Variants in FOXO3 observed in about 807,000 individuals in gnomAD.
The protein encoded by FOXO3 is forkhead box O3.
Under a neutral mutation model 41.9 loss-of-function variants are expected in FOXO3, and 4 were observed. That is an observed-to-expected ratio of 0.10 (90% CI 0.05 to 0.22). FOXO3 has a LOEUF of 0.22. FOXO3 is among the 10% of genes least tolerant of loss of function. FOXO3 has a pLI of 1.00. For missense variants in FOXO3, 534 were observed against 906.8 expected (o/e 0.59, Z 5.28); for synonymous variants, 318 against 389.3 (o/e 0.82, Z 2.16).
rs924412604 is a variant in FOXO3, at chr6:108,680,338, G to T, written c.*546G>T. ...GTTCGAGCATCACAAGCTTTTGAGC[G>T]CATGGAACTCCATAAACTAACAAAT... On this transcript the variant is annotated 3_prime_UTR_variant, in exon 3 of 3. Coordinates refer to ENST00000406360, the MANE Select transcript of FOXO3 (RefSeq NM_001455.4). The T allele has an allele frequency of 8.5e-5, 13 of 152,596 alleles. No individual in the cohort carries two copies. Among genetic ancestry groups the T allele is most frequent in the African/African-American group, 2.9e-4 (12 of 41,444 alleles). 9.5% of individuals were successfully genotyped at this position (152,596 alleles called of 1,614,324 possible).
intron 1 of FOXO3, among the ~76,000 whole-genome samples, chr6:108,653,898 G>A (rs918811422): frequency 1.2e-4 from 18 of 152,296 alleles, no homozygotes; most frequent in African/African-American, 4.1e-4. Flanking sequence ...TGGCTAATTT[G>A]AGCATGGTCT....
At chr6:108,562,015 G>A (rs574590304) in intron 1 of FOXO3, among the ~76,000 whole-genome samples, 186 bp downstream of exon 1, 1 of 152,228 alleles carries the variant, frequency 6.6e-6, no homozygotes, top group African/African-American at 2.4e-5. Context: ...GACGGTCTCG[G>A]AGGGGTGAAT....
rs1036091556 is a variant in FOXO3 at position 108,584,386 on chromosome 6, A to C, written c.621+22557A>C. On this transcript the variant is annotated intron_variant, in intron 1 of 2. Coordinates refer to ENST00000406360, the MANE Select transcript of FOXO3 (RefSeq NM_001455.4). ...TCATTTTTTTGTTGATAAAAGTATT[A>C]CTGTAATCAAAGAATTCCTTGCAGA... Among the ~76,000 whole-genome samples, 4 of 152,256 alleles carry C rather than the reference A, an allele frequency of 2.6e-5. No individual in the cohort carries two copies. The South Asian group carries it at 8.3e-4, about 32-fold the overall frequency.
At chr6:108,616,156 G>GTTTT (rs35632295) in intron 1 of FOXO3, among the ~76,000 whole-genome samples, 41 of 55,156 alleles carry the variant, frequency 7.4e-4, no homozygotes, top group Middle Eastern at 0.015. Flanking sequence ...CCCAACTAAG[G>GTTTT]TTTTTTTTTT....
At chr6:108,631,274 A>G (rs1196742479) in intron 1 of FOXO3, among the ~76,000 whole-genome samples, 1 of 152,166 alleles carries the variant, frequency 6.6e-6, no homozygotes, top group Non-Finnish European at 1.5e-5. Flanking sequence ...TTAGTCTGTA[A>G]AGTCTGAATG....
chr6:108,660,935 C>G (rs1778826356), intron 1 of FOXO3, among the ~76,000 whole-genome samples: 1 of 152,130 alleles, frequency 6.6e-6, no homozygotes, highest in Non-Finnish European at 1.5e-5. Context: ...TGGCGGGTGC[C>G]TGTAGTCCTA....
At chr6:108,587,878 G>T (rs1367527447) in intron 1 of FOXO3, among the ~76,000 whole-genome samples, 1 of 152,194 alleles carries the variant, frequency 6.6e-6, no homozygotes, top group Non-Finnish European at 1.5e-5. Context: ...AAAACTTAAG[G>T]ATTCTTTCGC....
chr6:108,577,080 AAC>A (rs2128358916), intron 1 of FOXO3, among the ~76,000 whole-genome samples: 1 of 152,278 alleles, frequency 6.6e-6, no homozygotes, highest in Admixed American at 6.5e-5. Flanking sequence ...CGTTTAAAAA[AAC>A]AGTTAATTTT....
At chr6:108,629,428 G>GGA (rs902914186) in intron 1 of FOXO3, among the ~76,000 whole-genome samples, 1 of 152,162 alleles carries the variant, frequency 6.6e-6, no homozygotes, top group African/African-American at 2.4e-5. Context: ...CTACCAGTAG[G>GGA]GAGAGGTCTG....
At chr6:108,570,499 GT>G (rs974971435) in intron 1 of FOXO3, among the ~76,000 whole-genome samples, 4 of 151,578 alleles carry the variant, frequency 2.6e-5, no homozygotes, top group Admixed American at 6.6e-5. Flanking sequence ...CTAATTTTAT[GT>G]TTTTTTTGTA....
intron 2 of FOXO3, among the ~76,000 whole-genome samples, chr6:108,667,379 A>G (rs1779094978): frequency 6.6e-6 from 1 of 152,244 alleles, no homozygotes; most frequent in South Asian, 2.1e-4. Context: ...CTTTTAAAAG[A>G]ATAAATGGTT....
intron 1 of FOXO3, among the ~76,000 whole-genome samples, chr6:108,579,996 C>T (rs1776363700): frequency 6.6e-6 from 1 of 152,012 alleles, no homozygotes. Flanking sequence ...TTAATTCCTC[C>T]CTGCCCAAAA....
At chr6:108,659,935 A>G (rs1290589222) in intron 1 of FOXO3, among the ~76,000 whole-genome samples, 1 of 152,178 alleles carries the variant, frequency 6.6e-6, no homozygotes, top group Non-Finnish European at 1.5e-5. Context: ...GTTGGGTTGG[A>G]ATTGGTGATG....
At chr6:108,659,016 C>T (rs1392174464) in intron 1 of FOXO3, among the ~76,000 whole-genome samples, 3 of 152,110 alleles carry the variant, frequency 2.0e-5, no homozygotes, top group Non-Finnish European at 4.4e-5. Flanking sequence ...TCCCCAGTAG[C>T]TGTGACTATA....
Position 108,573,690 on chromosome 6 carries a change from G to A in FOXO3, c.621+11861G>A, listed in dbSNP as rs537318676. 3.3e-5 allele frequency among the ~76,000 whole-genome samples: 5 copies of A among 152,190 alleles called. No individual in the cohort carries two copies. The East Asian group carries it at 9.7e-4, about 29-fold the overall frequency. On this transcript the variant is annotated intron_variant, in intron 1 of 2. Transcript: ENST00000406360. ...TAAAAATACAAAAAATTAGCTGGGTGTGGTGGCTGGCGCCTGTAATCCCAG... is the reference window on the plus strand; with the variant it reads ...TAAAAATACAAAAAATTAGCTGGGTATGGTGGCTGGCGCCTGTAATCCCAG...
At chr6:108,659,157 T>C (rs969463176) in intron 1 of FOXO3, among the ~76,000 whole-genome samples, 1 of 152,166 alleles carries the variant, frequency 6.6e-6, no homozygotes, top group Non-Finnish European at 1.5e-5. Flanking sequence ...AGTACTGGAA[T>C]TATAGGCGTC....
At chr6:108,664,999 G>T (rs1779006712) in intron 2 of FOXO3, 110 bp downstream of exon 2, 1 of 1,187,968 alleles carries the variant, frequency 8.4e-7, no homozygotes, top group African/African-American at 1.5e-5. Flanking sequence ...TGAAAACCAT[G>T]GAGCAGTGGT....
At chr6:108,600,801 T>C (rs1777030809) in intron 1 of FOXO3, among the ~76,000 whole-genome samples, 1 of 152,200 alleles carries the variant, frequency 6.6e-6, no homozygotes, top group African/African-American at 2.4e-5. Flanking sequence ...AATACTTTTA[T>C]GTCATTAAAT....
At chr6:108,610,819 CTGG>C (rs1777340460) in intron 1 of FOXO3, among the ~76,000 whole-genome samples, 1 of 152,126 alleles carries the variant, frequency 6.6e-6, no homozygotes, top group South Asian at 2.1e-4. Flanking sequence ...TGTTTTGAAA[CTGG>C]TGATTTATTT....
Sources: gnomAD v4.1 joint callset for allele counts (sites outside exome capture counted in the v4.1 genomes callset) on GRCh38, gnomAD v4.1.1 for gene constraint, MANE v1.5 for transcripts, NCBI Gene and HGNC (gene_info 2026-07-23, HGNC 2026-07-21) for gene names.